The following ZNF469 variants were observed in gnomAD, a reference collection of about 807,000 sequenced individuals.
The protein encoded by ZNF469 is zinc finger protein 469.
In ZNF469, 1 loss-of-function variant was observed where a neutral mutation model predicts 1.0. The ratio of observed to expected loss-of-function variants is 1.00; its 90% CI spans 0.35 to 4.73. The LOEUF is 4.73. Ranked by LOEUF, ZNF469 falls within the 30% of genes most tolerant of loss-of-function variation. The probability of loss-of-function intolerance (pLI) is 0.16; values close to 1 mark genes in which losing one functional copy is unlikely to be tolerated. For missense variants in ZNF469, 6,100 were observed against 5,356.3 expected (o/e 1.14, Z -4.33); for synonymous variants, 2,703 against 2,363.4 (o/e 1.14, Z -4.17).
chr16:88,436,068 C>A lies in ZNF469; in HGVS notation c.8598C>A (p.Gly2866=), dbSNP rs994143171. The stretch of plus-strand genomic sequence containing the variant: ...CTTTCTCCCAGCTCTTCCCTCCAGG[C>A]GGTCGCTTGACTAGAAAGAGGAACC... ...EVSFSQLFPP[G]GRLTRKRNPH... The change falls in exon 3 of 3, where the codon GGC becomes GGA. Residue 2866 remains glycine (G), a synonymous_variant. Transcript: ENST00000565624. The A allele has an allele frequency of 4.5e-6, 7 of 1,550,146 alleles. No homozygotes were observed. In the African/African-American group the frequency reaches 8.2e-5, roughly 18 times the overall value.
In ZNF469 at chr16:88,434,739, C is replaced by A. The variant is rs560708919; in HGVS notation, c.7269C>A (p.Pro2423=). ...STASDFQSDS[P]QSHRNASHQT... is the part of the protein sequence containing the mutation. ...CCAGTGACTTCCAGTCTGACTCCCC[C>A]CAAAGCCACAGAAATGCCTCCCACC... is the stretch of plus-strand genomic sequence containing the variant. The change falls in exon 3 of 3, where the codon CCC becomes CCA. Residue 2423 remains proline (P), a synonymous_variant. Coordinates refer to ENST00000565624, the MANE Select transcript of ZNF469 (RefSeq NM_001367624.2). 117 of 1,550,426 alleles carry A rather than the reference C, an allele frequency of 7.5e-5. 1 individual carries two copies. Among genetic ancestry groups the A allele is most frequent in the South Asian group, 5.5e-4 (46 of 84,068 alleles).
intron 1 of ZNF469, among the ~76,000 whole-genome samples, chr16:88,400,049 G>A (rs1904810701): frequency 1.3e-5 from 2 of 152,254 alleles, no homozygotes; most frequent in South Asian, 4.1e-4. Flanking sequence ...AGGGCCGGCT[G>A]AAGTGTGGCA....
In ZNF469 at chr16:88,433,396, G is replaced by T. The variant is rs1032679807; in HGVS notation, c.5926G>T (p.Gly1976Trp). Residue 1976 changes from glycine to tryptophan, a missense_variant, in exon 3 of 3, where the codon GGG becomes TGG. Gly to Trp is a radical substitution (Grantham distance 184, BLOSUM62 -2). Coordinates refer to ENST00000565624, the MANE Select transcript of ZNF469 (RefSeq NM_001367624.2). ...CCCTGCAGTGGCCGGACATCAGCTG[G>T]GGCTGGAGGCAGATGGACATTGGGG... ...TLPAVAGHQL[G>W]LEADGHWGLL... 51 of 1,550,236 alleles carry T rather than the reference G, an allele frequency of 3.3e-5. No individual in the cohort carries two copies. The highest frequency in any genetic ancestry group is 4.3e-5 in the Non-Finnish European group (49 of 1,146,960).
At chr16:88,264,245 CCA>C in the ZNF469 span, among the ~76,000 whole-genome samples, 2 of 152,090 alleles carry the variant, frequency 1.3e-5, no homozygotes, top group Admixed American at 1.3e-4. Context: ...ACACCGAAAC[CCA>C]CAGAGAGGAG....
At chr16:88,274,430 A>C in the ZNF469 span, among the ~76,000 whole-genome samples, 16 of 152,360 alleles carry the variant, frequency 1.1e-4, no homozygotes, top group African/African-American at 2.9e-4. Context: ...TTACCACAAT[A>C]AAAGATAGAA....
the ZNF469 span, among the ~76,000 whole-genome samples, chr16:88,296,369 T>C: frequency 6.6e-6 from 1 of 151,908 alleles, no homozygotes; most frequent in Non-Finnish European, 1.5e-5. Flanking sequence ...CACATGCTCA[T>C]GCACACATAC....
At chr16:88,247,480 ATGAG>A in the ZNF469 span, among the ~76,000 whole-genome samples, 4 of 132,400 alleles carry the variant, frequency 3.0e-5, no homozygotes, top group South Asian at 7.3e-4. Flanking sequence ...GAGTGAGTGA[ATGAG>A]TGAATGAATC....
the ZNF469 span, chr16:88,194,982 C>G: frequency 2.0e-5 from 3 of 152,164 alleles, no homozygotes; most frequent in Admixed American, 2.0e-4. Context: ...GGACACTGGA[C>G]GAGTTCGGAG....
chr16:88,180,856 G>A, the ZNF469 span, among the ~76,000 whole-genome samples: 7 of 152,184 alleles, frequency 4.6e-5, no homozygotes, highest in South Asian at 6.2e-4. Context: ...ACCTAACAGC[G>A]GAATTTCAAA....
At chr16:88,416,936 C>T (rs760750186) in intron 1 of ZNF469, among the ~76,000 whole-genome samples, 3 of 152,234 alleles carry the variant, frequency 2.0e-5, no homozygotes, top group Non-Finnish European at 4.4e-5. Context: ...CTGGGACTGT[C>T]AGGTCAAGGT....
chr16:88,313,068 C>T, the ZNF469 span, among the ~76,000 whole-genome samples: 9 of 152,310 alleles, frequency 5.9e-5, no homozygotes, highest in East Asian at 1.3e-3. Flanking sequence ...GTCAGGGTCA[C>T]GGTCAGGGTC....
chr16:88,320,217 C>G, the ZNF469 span, among the ~76,000 whole-genome samples: 1 of 152,134 alleles, frequency 6.6e-6, no homozygotes, highest in African/African-American at 2.4e-5. Context: ...TTATATAATC[C>G]TAGGGAGACT....
the ZNF469 span, among the ~76,000 whole-genome samples, chr16:88,180,310 G>GAA: frequency 4.8e-5 from 7 of 145,602 alleles, no homozygotes; most frequent in East Asian, 2.0e-4. Context: ...GTCTACAAAA[G>GAA]AAAAAAAAAA....
the ZNF469 span, among the ~76,000 whole-genome samples, chr16:88,129,425 G>C: frequency 1.9e-4 from 21 of 111,856 alleles, no homozygotes; most frequent in Non-Finnish European, 3.6e-4. Flanking sequence ...TCCGTACTTT[G>C]CACATACCGT....
At chr16:88,184,675 G>C in the ZNF469 span, among the ~76,000 whole-genome samples, 1 of 151,946 alleles carries the variant, frequency 6.6e-6, no homozygotes, top group Non-Finnish European at 1.5e-5. Context: ...CCAGTGATTA[G>C]GGACGCTCCA....
chr16:88,144,125 C>T, the ZNF469 span, among the ~76,000 whole-genome samples: 4 of 152,112 alleles, frequency 2.6e-5, no homozygotes, highest in Admixed American at 1.3e-4. Context: ...CGCCCGGGGC[C>T]GTCCCGGAGC....
chr16:88,210,746 T>G, the ZNF469 span, among the ~76,000 whole-genome samples: 9 of 152,304 alleles, frequency 5.9e-5, no homozygotes, highest in Admixed American at 3.3e-4. Flanking sequence ...GGTCCTCAGG[T>G]CTATTTCCGG....
the ZNF469 span, among the ~76,000 whole-genome samples, chr16:88,252,397 T>G: frequency 5.3e-5 from 8 of 150,644 alleles, no homozygotes; most frequent in African/African-American, 1.7e-4. Context: ...TCTGTCGGGC[T>G]GTGATTTCCA....
the ZNF469 span, among the ~76,000 whole-genome samples, chr16:88,370,483 C>T: frequency 1.3e-5 from 2 of 152,112 alleles, no homozygotes; most frequent in Admixed American, 6.6e-5. Context: ...CTGGGATCCA[C>T]GTGCCCTGAA....
Sources: allele counts gnomAD v4.1 joint callset (sites outside exome capture counted in the v4.1 genomes callset), GRCh38; gene constraint gnomAD v4.1.1; transcripts MANE v1.5; gene names NCBI Gene and HGNC (gene_info 2026-07-23, HGNC 2026-07-21).